Variants in GOLM2 observed in about 807,000 individuals in gnomAD.
The protein encoded by GOLM2 is protein GOLM2.
Under a neutral mutation model 55.9 loss-of-function variants are expected in GOLM2, and 26 were observed. That is an observed-to-expected ratio of 0.47 (90% CI 0.34 to 0.65). The LOEUF is 0.65. Ranked by LOEUF, GOLM2 falls within the 30% of genes least tolerant of loss-of-function variation. GOLM2 has a pLI of 0.01. For missense variants in GOLM2, 486 were observed against 531.8 expected (o/e 0.91, Z 0.85); for synonymous variants, 165 against 194.6 (o/e 0.85, Z 1.27).
chr15:44,321,880 C>T (rs1017474375), intron 1 of GOLM2, among the ~76,000 whole-genome samples: 9 of 151,644 alleles, frequency 5.9e-5, no homozygotes, highest in African/African-American at 1.7e-4. Context: ...AGCAAGACCC[C>T]GTCTCTGCAA....
At chr15:44,375,181 C>T (rs534598473) in intron 6 of GOLM2, among the ~76,000 whole-genome samples, 5 of 152,090 alleles carry the variant, frequency 3.3e-5, no homozygotes, top group Non-Finnish European at 7.4e-5. Flanking sequence ...CCATTATACC[C>T]GGCTAATTTT....
At position 44,400,167 on chromosome 15, in the gene GOLM2, C is replaced by T. The variant is rs1300236211; in HGVS notation, c.1073-2720C>T. Among the ~76,000 whole-genome samples the T allele has an allele frequency of 9.2e-5, 14 of 152,014 alleles. 1 individual carries two copies. Among genetic ancestry groups the T allele is most frequent in the Admixed American group, 7.9e-4 (12 of 15,250 alleles). On this transcript the variant is annotated intron_variant, in intron 8 of 9. Coordinates refer to ENST00000299957, the MANE Select transcript of GOLM2 (RefSeq NM_138423.4). ...TCTCTTGTATGTTTCTTTTCTCTAA[C>T]TCTATTTCATCAACTTTTCTATTTA...
chr15:44,388,029 C>T (rs550495099), intron 8 of GOLM2, among the ~76,000 whole-genome samples: 15 of 148,054 alleles, frequency 1.0e-4, no homozygotes, highest in African/African-American at 3.0e-4. Context: ...AGTGCAGTGG[C>T]GCAATCTCAG....
At chr15:44,374,587 A>G (rs1314688084) in intron 6 of GOLM2, among the ~76,000 whole-genome samples, 2 of 152,346 alleles carry the variant, frequency 1.3e-5, no homozygotes, top group Non-Finnish European at 1.5e-5. Context: ...CTGTACAGGC[A>G]TCTGCTTCTG....
chr15:44,410,903 CAAAAA>C (rs35934853), intron 9 of GOLM2, among the ~76,000 whole-genome samples: 1,226 of 56,296 alleles, frequency 0.022, 22 homozygotes, highest in African/African-American at 0.079. Flanking sequence ...GACCCTGTAT[CAAAAA>C]AAAAAAAAAA....
At chr15:44,401,888 G>A (rs1595668599) in intron 8 of GOLM2, among the ~76,000 whole-genome samples, 1 of 145,516 alleles carries the variant, frequency 6.9e-6, no homozygotes, top group African/African-American at 2.6e-5. Context: ...GGAGTGCAAT[G>A]GTGTGATCTC....
intron 6 of GOLM2, among the ~76,000 whole-genome samples, chr15:44,368,732 TATATACATATAC>T (rs750152686): frequency 2.0e-5 from 3 of 151,604 alleles, no homozygotes; most frequent in Admixed American, 6.6e-5. Context: ...TACACACATA[TATATACATATAC>T]ATATACATAT....
intron 9 of GOLM2, chr15:44,406,341 T>C (rs991936082): frequency 2.6e-5 from 4 of 152,074 alleles, no homozygotes; most frequent in Non-Finnish European, 1.5e-5. Flanking sequence ...TAAGCCGAGA[T>C]TGCACCATTG....
chr15:44,334,894 G>A (rs1173849011), intron 4 of GOLM2, among the ~76,000 whole-genome samples: 1 of 152,192 alleles, frequency 6.6e-6, no homozygotes, highest in East Asian at 1.9e-4. Context: ...ATCCGGGCAT[G>A]GTGGCTGGCA....
chr15:44,298,546 G>T (rs1164699358), intron 1 of GOLM2, among the ~76,000 whole-genome samples: 2 of 151,908 alleles, frequency 1.3e-5, no homozygotes, highest in South Asian at 4.2e-4. Flanking sequence ...AAAGTGCTGG[G>T]ATTACAGGTG....
At chr15:44,407,410 C>A (rs1445211217) in intron 9 of GOLM2, among the ~76,000 whole-genome samples, 1 of 151,406 alleles carries the variant, frequency 6.6e-6, no homozygotes, top group Non-Finnish European at 1.5e-5. Context: ...GGACTACAGG[C>A]ATGCACCACC....
chr15:44,289,441 T>G lies in GOLM2; in HGVS notation c.327+85T>G. ...CGGGATGTTAATCCGCTAGCTGTTG[T>G]CTTATGCCTTCCAGTATTTCAGTCC... On this transcript the variant is annotated intron_variant, in intron 1 of 9. Transcript: ENST00000299957. The surrounding 1 kb of genome is among the most constrained non-coding windows in gnomAD (Gnocchi z 4.8). 8.1e-7 allele frequency: 1 copy of G among 1,229,632 alleles called. No individual in the cohort carries two copies. Among genetic ancestry groups the G allele is most frequent in the Middle Eastern group, 1.9e-4 (1 of 5,176 alleles). 76.2% of individuals were successfully genotyped at this position (1,229,632 alleles called of 1,614,324 possible).
intron 6 of GOLM2, among the ~76,000 whole-genome samples, chr15:44,340,599 T>A (rs970537049): frequency 5.9e-5 from 9 of 152,194 alleles, no homozygotes; most frequent in African/African-American, 2.2e-4. Context: ...GGATCAGCAG[T>A]GTCAGCATTA....
chr15:44,411,694 T>C (rs1487532109), intron 9 of GOLM2, among the ~76,000 whole-genome samples: 2 of 151,882 alleles, frequency 1.3e-5, no homozygotes, highest in African/African-American at 4.8e-5. Context: ...CTGGGTGCGG[T>C]GGCAAGCGCC....
At chr15:44,333,314 T>A (rs2079034781) in intron 4 of GOLM2, among the ~76,000 whole-genome samples, 1 of 152,238 alleles carries the variant, frequency 6.6e-6, no homozygotes, top group Non-Finnish European at 1.5e-5. Context: ...AAAAAAGATT[T>A]AATAGTGAAA....
chr15:44,345,967 T>C (rs1360036557), intron 6 of GOLM2: 2 of 152,144 alleles, frequency 1.3e-5, no homozygotes, highest in Non-Finnish European at 2.9e-5. Context: ...AGTAGCGTGA[T>C]CTTGGCTCAC....
intron 6 of GOLM2, among the ~76,000 whole-genome samples, chr15:44,365,518 C>G (rs1567036165): frequency 1.3e-5 from 2 of 150,394 alleles, no homozygotes; most frequent in African/African-American, 4.9e-5. Context: ...GAACCTGTGT[C>G]AAAAACAAAA....
chr15:44,299,544 C>T (rs554718438), intron 1 of GOLM2, among the ~76,000 whole-genome samples: 4 of 152,090 alleles, frequency 2.6e-5, no homozygotes, highest in East Asian at 3.9e-4. Flanking sequence ...CCGCCCGCCT[C>T]GGCCTCCCAA....
intron 6 of GOLM2, among the ~76,000 whole-genome samples, chr15:44,340,723 A>T (rs1337311038): frequency 6.6e-6 from 1 of 152,204 alleles, no homozygotes; most frequent in African/African-American, 2.4e-5. Context: ...AGTGATTTTG[A>T]TCTATGCTAA....
Sources: gnomAD v4.1 joint callset for allele counts (sites outside exome capture counted in the v4.1 genomes callset) on GRCh38, gnomAD v4.1.1 for gene constraint, Gnocchi (gnomAD v3.1) non-coding constraint, MANE v1.5 for transcripts, NCBI Gene and HGNC (gene_info 2026-07-23, HGNC 2026-07-21) for gene names.